The following STRIP1 variants were observed in gnomAD, a reference collection of about 807,000 sequenced individuals.
STRIP1 encodes the protein striatin-interacting protein 1.
STRIP1 carries 63 observed loss-of-function variants against 106.2 expected under a neutral mutation model. The ratio of observed to expected loss-of-function variants is 0.59; its 90% CI spans 0.48 to 0.73. The LOEUF (loss-of-function observed/expected upper bound fraction) is 0.73, where lower values mean the gene tolerates loss of function less well. Among genes scored for constraint, STRIP1 ranks in the 30% least tolerant of loss-of-function variants. The pLI is 0.00. For synonymous variants in STRIP1, 390 were observed against 413.0 expected (o/e 0.94, Z 0.67); for missense variants, 857 against 1,074.8 (o/e 0.80, Z 2.83).
Position 110,049,495 on chromosome 1 carries a change from C to A in STRIP1, c.1824C>A (p.Asn608Lys). ...TGGCCCAGCACCTGGTGTTTGCCAA[C>A]TGCATTCCTTTGATCCTAAAGTTCT... is the stretch of plus-strand genomic sequence containing the variant. ...EYMAQHLVFA[N>K]CIPLILKFFN... Residue 608 changes from asparagine (N) to lysine (K), a missense_variant, in exon 17 of 21, where the codon AAC becomes AAA. By Grantham distance (94) the Asn-to-Lys change is moderately conservative. Transcript: ENST00000369795. 1 of 1,608,104 alleles carries A rather than the reference C, an allele frequency of 6.2e-7. No individual in the cohort carries two copies. The highest frequency in any genetic ancestry group is 1.3e-5 in the African/African-American group (1 of 74,208).
At chr1:110,035,018 C>T (rs1416821369) in intron 1 of STRIP1, among the ~76,000 whole-genome samples, 2 of 152,198 alleles carry the variant, frequency 1.3e-5, no homozygotes, top group Non-Finnish European at 2.9e-5. Flanking sequence ...GCTCTAGCTC[C>T]GCCGCCCGGG....
At chr1:110,039,138 T>A in intron 3 of STRIP1, 34 bp from the exon 4 acceptor site, 1 of 1,609,848 alleles carries the variant, frequency 6.2e-7, no homozygotes, top group East Asian at 2.2e-5. Flanking sequence ...AGGATTTTTC[T>A]AGGCTCAGGT....
At chr1:110,051,990 T>A in intron 20 of STRIP1, 103 bp downstream of exon 20, 1 of 1,250,086 alleles carries the variant, frequency 8.0e-7, no homozygotes, top group East Asian at 2.5e-5. Context: ...GCCCTGAGCT[T>A]CCCCCCAAGG....
At position 110,041,625 on chromosome 1, in the gene STRIP1, C is replaced by T. The variant is rs1161691723; in HGVS notation, c.740C>T (p.Thr247Ile). 2 of 1,614,000 alleles carry T rather than the reference C, an allele frequency of 1.2e-6. No individual in the cohort carries two copies. The highest frequency in any genetic ancestry group is 8.5e-7 in the Non-Finnish European group (1 of 1,180,034). Residue 247 changes from threonine to isoleucine, a missense_variant, in exon 7 of 21, where the codon ACC becomes ATC. Thr to Ile is a moderately conservative substitution (Grantham distance 89). Coordinates refer to ENST00000369795, the MANE Select transcript of STRIP1 (RefSeq NM_033088.4). ...DKAEWRTMRQ[T>I]FRAELGSPLY... ...GCTGAGTGGAGGACCATGCGGCAGA[C>T]CTTCAGAGCCGAGCTGGGTAGGACC...
intron 1 of STRIP1, among the ~76,000 whole-genome samples, chr1:110,036,040 C>G (rs1341625735): frequency 6.6e-6 from 1 of 152,206 alleles, no homozygotes; most frequent in African/African-American, 2.4e-5. Flanking sequence ...GGGGGTGAAC[C>G]TACCTTCATC....
Position 110,054,131 on chromosome 1 carries a change from T to G in STRIP1, c.*219T>G, listed in dbSNP as rs1338980491. The G allele has an allele frequency of 3.4e-5, 19 of 566,528 alleles. No homozygotes were observed. The highest frequency in any genetic ancestry group is 6.0e-5 in the Non-Finnish European group (19 of 318,630). The allele number at this position is 566,528 out of a possible 1,614,324, so 35.1% of individuals were successfully genotyped here. A position where few individuals can be genotyped will look rare whatever the true frequency, so the allele number is the denominator to read the frequency against. On this transcript the variant is annotated 3_prime_UTR_variant, in exon 21 of 21. Coordinates refer to ENST00000369795, the MANE Select transcript of STRIP1 (RefSeq NM_033088.4). ...AGCAGTCATCTCTGCCTGAGATCCA[T>G]TCTTCCTTTACTTCCCCCACCCTCC... is the stretch of plus-strand genomic sequence containing the variant.
At chr1:110,039,340 C>T (rs1045685292) in intron 4 of STRIP1, 34 bp downstream of exon 4, 2 of 1,613,926 alleles carry the variant, frequency 1.2e-6, no homozygotes, top group South Asian at 2.2e-5. Context: ...TTCCCTGGCA[C>T]CTCTGCCCAC....
intron 10 of STRIP1, 79 bp from the exon 11 acceptor site, chr1:110,044,761 G>A (rs1298011009): frequency 4.3e-6 from 6 of 1,407,792 alleles, no homozygotes; most frequent in South Asian, 1.2e-5. Flanking sequence ...TGGATGCTGT[G>A]TTTTTGTTAA....
In STRIP1 at chr1:110,041,575, T is replaced by A. The variant is rs1652761664; in HGVS notation, c.690T>A (p.Val230=). Residue 230 remains valine (V), a synonymous_variant, in exon 7 of 21, where the codon GTT becomes GTA. Coordinates refer to ENST00000369795, the MANE Select transcript of STRIP1 (RefSeq NM_033088.4). ...TCATGTACCTGATAGTGGAGACCGT[T>A]CATCAGGAGTGTGAGGGTGACAAGG... The part of the protein sequence containing the change: ...LNIMYLIVET[V]HQECEGDKAE... 1.2e-6 allele frequency: 2 copies of A among 1,613,956 alleles called. No individual in the cohort carries two copies. The highest frequency in any genetic ancestry group is 3.3e-5 in the Admixed American group (2 of 59,998).
intron 10 of STRIP1, among the ~76,000 whole-genome samples, chr1:110,044,198 C>T (rs541113948): frequency 6.6e-6 from 1 of 152,264 alleles, no homozygotes; most frequent in East Asian, 1.9e-4. Flanking sequence ...TGGTTTTTAA[C>T]AAAAATGATA....
chr1:110,052,015 C>G, intron 20 of STRIP1, 128 bp downstream of exon 20: 1 of 975,486 alleles, frequency 1.0e-6, no homozygotes, highest in South Asian at 1.6e-5. Context: ...GGAAGGAGCC[C>G]AGCTCCTGCT....
Position 110,047,876 on chromosome 1 carries a change from A to G in STRIP1, c.1661+7A>G, listed in dbSNP as rs1653105019. 1 of 1,553,392 alleles carries G rather than the reference A, an allele frequency of 6.4e-7. No homozygotes were observed. Among genetic ancestry groups the G allele is most frequent in the African/African-American group, 1.4e-5 (1 of 73,408 alleles). ...TCTTGCCTGAGGAGATGCCGTGAGT[A>G]TCATTCTGTGAATGAAGCAGGTGGG... On this transcript the variant is annotated splice_region_variant and intron_variant, in intron 15 of 20. Coordinates refer to ENST00000369795, the MANE Select transcript of STRIP1 (RefSeq NM_033088.4).
chr1:110,043,004 G>A, intron 8 of STRIP1, 84 bp from the exon 9 acceptor site: 1 of 1,349,966 alleles, frequency 7.4e-7, no homozygotes, highest in Non-Finnish European at 1.0e-6. Context: ...ATGATGTCAT[G>A]AATGTTTCTG....
At chr1:110,034,580 C>A, upstream of STRIP1, 3 of 1,454,006 alleles carry the variant, frequency 2.1e-6, no homozygotes, top group East Asian at 5.8e-5. Flanking sequence ...GAAAATCACG[C>A]GAGAGTTGCA....
In STRIP1 at chr1:110,047,857, C is replaced by T; in HGVS notation, c.1649C>T (p.Pro550Leu). ...DSINILADVL[P>L]EEMPTTVLQS... ...ATCAACATCCTAGCGGACGTCTTGC[C>T]TGAGGAGATGCCGTGAGTATCATTC... Residue 550 changes from proline (P) to leucine (L), a missense_variant, in exon 15 of 21, where the codon CCT becomes CTT. By Grantham distance (98) the Pro-to-Leu change is moderately conservative. Coordinates refer to ENST00000369795, the MANE Select transcript of STRIP1 (RefSeq NM_033088.4). The T allele has an allele frequency of 1.9e-6, 3 of 1,559,970 alleles. No individual in the cohort carries two copies. Among genetic ancestry groups the T allele is most frequent in the Non-Finnish European group, 2.6e-6 (3 of 1,150,854 alleles).
rs1251988811 is a variant in STRIP1 at position 110,040,696 on chromosome 1, G to A, written c.643G>A (p.Asp215Asn). 1.9e-6 allele frequency: 3 copies of A among 1,610,854 alleles called. No homozygotes were observed. The highest frequency in any genetic ancestry group is 2.5e-6 in the Non-Finnish European group (3 of 1,178,664). ...KPAISLADST[D>N]LRVLLNIMYL... ...TGCCATCTCCCTGGCTGACAGCACA[G>A]ACCTCAGGTGAGGCGAGCAGCAAGC... Residue 215 changes from aspartate (D) to asparagine (N), a missense_variant, in exon 6 of 21, where the codon GAC (aspartate) becomes AAC (asparagine). By Grantham distance (23) the Asp-to-Asn change is conservative. Around this residue, in one of 2 missense-constraint regions of STRIP1, gnomAD observed 750 missense variants for 989.8 expected, o/e 0.76. Transcript: ENST00000369795.
At chr1:110,052,774 CAG>C (rs1469945958) in intron 20 of STRIP1, among the ~76,000 whole-genome samples, 1 of 152,098 alleles carries the variant, frequency 6.6e-6, no homozygotes, top group Non-Finnish European at 1.5e-5. Flanking sequence ...CCAGCCTTCT[CAG>C]GGGGTTCTTG....
At chr1:110,033,589 A>G (rs1050949432), upstream of STRIP1, among the ~76,000 whole-genome samples, 3 of 152,332 alleles carry the variant, frequency 2.0e-5, no homozygotes, top group East Asian at 5.8e-4. Flanking sequence ...AAGCAAGAGC[A>G]TGTGTGCCAG....
chr1:110,034,119 C>T (rs550279003), upstream of STRIP1, among the ~76,000 whole-genome samples: 20 of 152,152 alleles, frequency 1.3e-4, 1 homozygote, highest in Non-Finnish European at 2.6e-4. Flanking sequence ...CTATATTTGT[C>T]TATTGTTTGT....
Sources: allele counts gnomAD v4.1 joint callset (sites outside exome capture counted in the v4.1 genomes callset), GRCh38; gene constraint gnomAD v4.1.1; regional missense constraint gnomAD v4.1.1; transcripts MANE v1.5; gene names NCBI Gene and HGNC (gene_info 2026-07-23, HGNC 2026-07-21).